DAB1: variants seen among roughly 807,000 people sequenced by gnomAD.
DAB1 encodes disabled homolog 1.
A neutral mutation model predicts 64.6 loss-of-function variants in DAB1; 15 were observed. That is an observed-to-expected ratio of 0.23 (90% CI 0.16 to 0.36). The LOEUF is 0.36. DAB1 is among the 10% of genes least tolerant of loss of function. The probability of loss-of-function intolerance (pLI) is 1.00; values close to 1 mark genes in which losing one functional copy is unlikely to be tolerated. For synonymous variants in DAB1, 235 were observed against 251.9 expected, an observed-to-expected ratio of 0.93 and a Z score of 0.64; for missense variants, 596 against 706.7, an observed-to-expected ratio of 0.84 and a Z score of 1.78.
At chr1:57,575,700 T>C (rs1032206073) in intron 7 of DAB1, among the ~76,000 whole-genome samples, 1 of 152,204 alleles carries the variant, frequency 6.6e-6, no homozygotes, top group African/African-American at 2.4e-5. Flanking sequence ...AACCTAAGAC[T>C]GTCTAATCCC....
At chr1:58,425,154 C>T (rs1287632112) in intron 3 of DAB1, among the ~76,000 whole-genome samples, 1 of 152,178 alleles carries the variant, frequency 6.6e-6, no homozygotes, top group Admixed American at 6.5e-5. Context: ...GAGATAGACC[C>T]TTGAAACAAG....
intron 3 of DAB1, among the ~76,000 whole-genome samples, chr1:58,395,650 T>C (rs1050450877): frequency 1.9e-4 from 29 of 152,064 alleles, no homozygotes; most frequent in African/African-American, 7.0e-4. Flanking sequence ...AGATCTAGAG[T>C]CTAGCCTGGA....
chr1:57,930,539 C>T (rs1219790193), intron 5 of DAB1, among the ~76,000 whole-genome samples: 3 of 152,148 alleles, frequency 2.0e-5, no homozygotes, highest in African/African-American at 7.2e-5. Context: ...TTTATTTACT[C>T]TTTGATTTCT....
At chr1:57,240,073 ATG>A in intron 2 of DAB1, among the ~76,000 whole-genome samples, 1 of 152,322 alleles carries the variant, frequency 6.6e-6, no homozygotes, top group South Asian at 2.1e-4. Context: ...CTTAGACGTA[ATG>A]TCTTTATGCA....
chr1:58,082,101 G>T (rs1296810146), intron 5 of DAB1, among the ~76,000 whole-genome samples: 2 of 152,214 alleles, frequency 1.3e-5, no homozygotes, highest in Non-Finnish European at 2.9e-5. Context: ...CCCACAGCCA[G>T]ACAGCAAGAT....
chr1:57,369,123 G>C (rs767573314), intron 1 of DAB1, among the ~76,000 whole-genome samples: 3 of 152,152 alleles, frequency 2.0e-5, no homozygotes, highest in Non-Finnish European at 4.4e-5. Context: ...ACTGATTCAG[G>C]GTTGCATCCT....
intron 2 of DAB1, among the ~76,000 whole-genome samples, chr1:57,261,355 T>G (rs1008681374): frequency 1.9e-4 from 29 of 152,160 alleles, no homozygotes; most frequent in African/African-American, 7.0e-4. Flanking sequence ...TAAAAGGCCT[T>G]TCAGAGGTCT....
chr1:58,123,576 T>C (rs1387277511), intron 5 of DAB1, among the ~76,000 whole-genome samples: 1 of 152,200 alleles, frequency 6.6e-6, no homozygotes, highest in Non-Finnish European at 1.5e-5. Flanking sequence ...CCTCGTAATT[T>C]ACCTTCTATA....
intron 7 of DAB1, among the ~76,000 whole-genome samples, chr1:57,589,988 G>A (rs1156859427): frequency 1.3e-5 from 2 of 151,922 alleles, no homozygotes; most frequent in East Asian, 3.9e-4. Context: ...AGGCAATTTG[G>A]GCCAAAAAAT....
At chr1:58,191,663 C>T (rs1657394567) in intron 4 of DAB1, among the ~76,000 whole-genome samples, 1 of 152,146 alleles carries the variant, frequency 6.6e-6, no homozygotes, top group Non-Finnish European at 1.5e-5. Context: ...CCCCTTTGAA[C>T]CACCACTGGA....
At chr1:57,114,260 CT>C (rs3835678) in intron 4 of DAB1, among the ~76,000 whole-genome samples, 97,883 of 151,962 alleles carry the variant, frequency 0.64, 32,019 homozygotes, top group Middle Eastern at 0.77. Context: ...ATGAATGTTT[CT>C]TTTTTATTAG....
chr1:58,536,480 G>A (rs1312358496), intron 1 of DAB1: 2 of 821,940 alleles, frequency 2.4e-6, no homozygotes, highest in African/African-American at 1.7e-5. Context: ...GTTATATTAA[G>A]CAGTCTAATT....
In DAB1 at chr1:57,015,018, T is replaced by A; in HGVS notation, c.1309A>T (p.Thr437Ser). Reference sequence around the variant, plus strand: ...CTGGAGAAGGCCTCTGAGGTACAGGTGAGGGAGGGCTGGTCGGGTTTGCGG... The same window carrying A: ...CTGGAGAAGGCCTCTGAGGTACAGGAGAGGGAGGGCTGGTCGGGTTTGCGG... ...PSRKPDQPSL[T>S]CTSEAFSSYF... The change falls in exon 12 of 15, where the codon ACC (threonine) becomes TCC (serine). Residue 437 changes from threonine (T) to serine (S), a missense_variant. Thr to Ser is a moderately conservative substitution (Grantham distance 58). Around this residue, in one of 3 missense-constraint regions of DAB1, gnomAD observed 377 missense variants for 400.4 expected, o/e 0.94. Coordinates refer to ENST00000371236, the MANE Select transcript of DAB1 (RefSeq NM_001365792.1). 1 of 1,613,822 alleles carries A rather than the reference T, an allele frequency of 6.2e-7. No homozygotes were observed. Among genetic ancestry groups the A allele is most frequent in the Non-Finnish European group, 8.5e-7 (1 of 1,179,968 alleles).
chr1:57,023,703 G>T (rs1469607805), intron 10 of DAB1, 64 bp from the exon 11 acceptor site: 3 of 1,069,216 alleles, frequency 2.8e-6, no homozygotes, highest in Admixed American at 3.9e-5. Context: ...AGGCTGGGAG[G>T]TAGCAGATGC....
At chr1:57,824,818 T>C, downstream of DAB1, among the ~76,000 whole-genome samples, 1 of 152,212 alleles carries the variant, frequency 6.6e-6, no homozygotes, top group East Asian at 1.9e-4. Flanking sequence ...CAGCAGCAGC[T>C]GGGCAGAGGA....
chr1:57,222,599 C>A (rs1369504071), intron 2 of DAB1, among the ~76,000 whole-genome samples: 2 of 152,190 alleles, frequency 1.3e-5, no homozygotes, highest in Admixed American at 1.3e-4. Flanking sequence ...GTAATGGATA[C>A]ACCCAGAGAG....
chr1:57,445,664 T>C, intron 7 of DAB1, among the ~76,000 whole-genome samples: 1 of 152,236 alleles, frequency 6.6e-6, no homozygotes, highest in East Asian at 1.9e-4. Flanking sequence ...GATAGACATT[T>C]ACTATACTAC....
chr1:57,533,181 A>G (rs973067663), intron 7 of DAB1, among the ~76,000 whole-genome samples: 2 of 151,934 alleles, frequency 1.3e-5, no homozygotes, highest in Non-Finnish European at 2.9e-5. Context: ...CCTCCCAAAC[A>G]TCTTGTCAAT....
At chr1:57,527,513 G>A (rs978782651) in intron 7 of DAB1, among the ~76,000 whole-genome samples, 2 of 152,122 alleles carry the variant, frequency 1.3e-5, no homozygotes, top group East Asian at 1.9e-4. Flanking sequence ...AGATTTTTCA[G>A]TCAGTTTCAA....
Sources: allele counts gnomAD v4.1 joint callset (sites outside exome capture counted in the v4.1 genomes callset), GRCh38; gene constraint gnomAD v4.1.1; regional missense constraint gnomAD v4.1.1; transcripts MANE v1.5; gene names NCBI Gene and HGNC (gene_info 2026-07-23, HGNC 2026-07-21).